The following R3HDM4 variants were observed in gnomAD, a reference collection of about 807,000 sequenced individuals.
The protein encoded by R3HDM4 is R3H domain containing 4.
R3HDM4 carries 30 observed loss-of-function variants against 31.3 expected under a neutral mutation model. The ratio of observed to expected loss-of-function variants is 0.96; its 90% CI spans 0.72 to 1.30. The LOEUF (loss-of-function observed/expected upper bound fraction) is 1.30, where lower values mean the gene tolerates loss of function less well. Among genes scored for constraint, R3HDM4 ranks in the 50% most tolerant of loss-of-function variants. The pLI is 0.00. For synonymous variants in R3HDM4, 196 were observed against 156.6 expected (o/e 1.25, Z -1.88); for missense variants, 444 against 366.1 (o/e 1.21, Z -1.74).
Position 898,219 on chromosome 19 carries a change from T to TAAAA in R3HDM4, c.704-683_704-680dup, listed in dbSNP as rs546504389. The stretch of plus-strand genomic sequence containing the variant: ...TAACACAGTGAAACCCTGTCTCTAC[T>TAAAA]AAAAAAAAAAATATATATATATATA... On this transcript the variant is annotated intron_variant, in intron 7 of 7. Transcript: ENST00000361574. Among the ~76,000 whole-genome samples the TAAAA allele has an allele frequency of 4.0e-3, 542 of 136,378 alleles. 1 individual carries two copies. The highest frequency in any genetic ancestry group is 0.012 in the Middle Eastern group (3 of 258). 89.5% of individuals were successfully genotyped at this position (136,378 alleles called of 152,430 possible).
Position 897,234 on chromosome 19 carries a change from C to T in R3HDM4, c.*203G>A. 1.9e-6 allele frequency: 1 copy of T among 517,014 alleles called. No individual in the cohort carries two copies. The highest frequency in any genetic ancestry group is 2.0e-5 in the African/African-American group (1 of 51,034). The allele number at this position is 517,014 out of a possible 1,614,324, so 32.0% of individuals were successfully genotyped here. A position where few individuals can be genotyped will look rare whatever the true frequency, so the allele number is the denominator to read the frequency against. ...AAGTCCCGGAGTGGGAAGCTTGGAG[C>T]TGGGATGGCATGGGCAGCCCCAGCC... On this transcript the variant is annotated 3_prime_UTR_variant, in exon 8 of 8. Coordinates refer to ENST00000361574, the MANE Select transcript of R3HDM4 (RefSeq NM_138774.4).
Position 903,391 on chromosome 19 carries a change from A to G in R3HDM4, c.72-1261T>C, listed in dbSNP as rs568116360. Among the ~76,000 whole-genome samples, 677 of 152,218 alleles carry G rather than the reference A, an allele frequency of 4.4e-3. 4 individuals carry two copies. The highest frequency in any genetic ancestry group is 0.015 in the African/African-American group (628 of 41,524). On this transcript the variant is annotated intron_variant, in intron 1 of 7. Coordinates refer to ENST00000361574, the MANE Select transcript of R3HDM4 (RefSeq NM_138774.4). ...CAGCTGGGCCTCCCACCGAGAATCC[A>G]AGGGCCGAGCCACTCAGTGTGGGGG...
intron 1 of R3HDM4, chr19:902,370 G>A (rs529121522): frequency 3.9e-6 from 2 of 518,530 alleles, no homozygotes; most frequent in Admixed American, 3.2e-5. Context: ...AGCATTGTGG[G>A]AGGCTGAGGC....
At chr19:909,287 T>C (rs2036942981) in intron 1 of R3HDM4, among the ~76,000 whole-genome samples, 1 of 152,202 alleles carries the variant, frequency 6.6e-6, no homozygotes, top group Admixed American at 6.5e-5. Flanking sequence ...AGGAACCCAC[T>C]AGAGACAGCA....
chr19:901,806 G>A (rs186304004), intron 2 of R3HDM4, 170 bp downstream of exon 2: 77 of 847,346 alleles, frequency 9.1e-5, no homozygotes, highest in African/African-American at 9.0e-4. Context: ...TCCAGGGGGC[G>A]CCTGTGTCTG....
intron 1 of R3HDM4, among the ~76,000 whole-genome samples, chr19:908,795 G>A (rs2036936417): frequency 6.6e-6 from 1 of 150,852 alleles, no homozygotes; most frequent in African/African-American, 2.4e-5. Flanking sequence ...GCCTTACCAG[G>A]AAGCTCTGGA....
chr19:899,591 C>T lies in R3HDM4; in HGVS notation c.647+10G>A, dbSNP rs371598232. On this transcript the variant is annotated intron_variant, in intron 6 of 7. Transcript: ENST00000361574. This position sits in a 1 kb window ranked among gnomAD's most constrained non-coding sequence, Gnocchi z 6.8. ...TCGGAGGGTCCGCTCGCCTGGCCGC[C>T]CCCCCTTACCTGTTGTCTAGCATTG... 6.2e-7 allele frequency: 1 copy of T among 1,612,376 alleles called. No individual in the cohort carries two copies. The highest frequency in any genetic ancestry group is 8.5e-7 in the Non-Finnish European group (1 of 1,179,454).
rs1599366634 is a variant in R3HDM4, at chr19:913,184, C to T, written c.-27G>A. 5.7e-6 allele frequency: 6 copies of T among 1,060,066 alleles called. No individual in the cohort carries two copies. Among genetic ancestry groups the T allele is most frequent in the South Asian group, 4.3e-5 (1 of 23,244 alleles). The allele number at this position is 1,060,066 out of a possible 1,614,324, so 65.7% of individuals were successfully genotyped here. On this transcript the variant is annotated 5_prime_UTR_variant, in exon 1 of 8. Transcript: ENST00000361574. This position sits in a 1 kb window ranked among gnomAD's most constrained non-coding sequence, Gnocchi z 5.0. ...GCTCGCACGCTGTCGCCGCCGCCGC[C>T]GCCCGGCAGGGCCTTCACCGGGCCG...
Position 907,656 on chromosome 19 carries a change from C to T in R3HDM4, c.71+5431G>A, listed in dbSNP as rs1355239205. 6.6e-6 allele frequency among the ~76,000 whole-genome samples: 1 copy of T among 152,138 alleles called. No individual in the cohort carries two copies. Among genetic ancestry groups the T allele is most frequent in the Admixed American group, 6.5e-5 (1 of 15,274 alleles). On this transcript the variant is annotated intron_variant, in intron 1 of 7. Coordinates refer to ENST00000361574, the MANE Select transcript of R3HDM4 (RefSeq NM_138774.4). This position sits in a 1 kb window ranked among gnomAD's most constrained non-coding sequence, Gnocchi z 4.1. ...CCTCACCACCCCTCATACCAAAGCCCCACAGGCCTCTCCTCCAGGCCCACA... is the reference window on the plus strand; with the variant it reads ...CCTCACCACCCCTCATACCAAAGCCTCACAGGCCTCTCCTCCAGGCCCACA...
In R3HDM4 at chr19:897,432, C is replaced by G; in HGVS notation, c.*5G>C. 5 of 1,594,238 alleles carry G rather than the reference C, an allele frequency of 3.1e-6. No homozygotes were observed. The highest frequency in any genetic ancestry group is 1.7e-6 in the Non-Finnish European group (2 of 1,169,706). On this transcript the variant is annotated 3_prime_UTR_variant, in exon 8 of 8. Coordinates refer to ENST00000361574, the MANE Select transcript of R3HDM4 (RefSeq NM_138774.4). Reference sequence around the variant, plus strand: ...GGTGGCAGCGGGGTCTCCGCGGGGCCGCCATCAGCTGTGCTGCTCCAGGTA... The same window carrying G: ...GGTGGCAGCGGGGTCTCCGCGGGGCGGCCATCAGCTGTGCTGCTCCAGGTA...
rs574641554 is a variant in R3HDM4, at chr19:896,665, G to A, written c.*772C>T. On this transcript the variant is annotated 3_prime_UTR_variant, in exon 8 of 8. Transcript: ENST00000361574. The surrounding 1 kb of genome is among the most constrained non-coding windows in gnomAD (Gnocchi z 4.0). Reference sequence around the variant, plus strand: ...CTATCAGGCAGGAGTCAGGCTGGGGGACGAGGGGACACGGGATGGGGTGAC... The same window carrying A: ...CTATCAGGCAGGAGTCAGGCTGGGGAACGAGGGGACACGGGATGGGGTGAC... 1.1e-4 allele frequency: 17 copies of A among 152,890 alleles called. No homozygotes were observed. Among genetic ancestry groups the A allele is most frequent in the African/African-American group, 4.1e-4 (17 of 41,568 alleles). The allele number at this position is 152,890 out of a possible 1,614,324, so 9.5% of individuals were successfully genotyped here.
At chr19:909,002 G>A (rs538435037) in intron 1 of R3HDM4, among the ~76,000 whole-genome samples, 9 of 152,326 alleles carry the variant, frequency 5.9e-5, no homozygotes, top group African/African-American at 2.2e-4. Flanking sequence ...CCCAAGGGCT[G>A]GTTCATCTGT....
intron 1 of R3HDM4, 78 bp from the exon 2 acceptor site, chr19:902,208 C>T (rs1164748609): frequency 6.5e-7 from 1 of 1,541,746 alleles, no homozygotes; most frequent in South Asian, 1.1e-5. Context: ...ACAGCCATGG[C>T]CCGCTTGGTT....
At position 897,246 on chromosome 19, in the gene R3HDM4, G is replaced by A. The variant is rs759013124; in HGVS notation, c.*191C>T. Reference sequence around the variant, plus strand: ...GGGAAGCTTGGAGCTGGGATGGCATGGGCAGCCCCAGCCGCCAGCGTCTGT... The same window carrying A: ...GGGAAGCTTGGAGCTGGGATGGCATAGGCAGCCCCAGCCGCCAGCGTCTGT... On this transcript the variant is annotated 3_prime_UTR_variant, in exon 8 of 8. Transcript: ENST00000361574. 12 of 537,078 alleles carry A rather than the reference G, an allele frequency of 2.2e-5. No homozygotes were observed. Among genetic ancestry groups the A allele is most frequent in the Non-Finnish European group, 3.3e-5 (10 of 305,374 alleles). The allele number at this position is 537,078 out of a possible 1,614,324, so 33.3% of individuals were successfully genotyped here.
At position 899,408 on chromosome 19, in the gene R3HDM4, A is replaced by C; in HGVS notation, c.703+32T>G. The C allele has an allele frequency of 6.2e-7, 1 of 1,601,348 alleles. No individual in the cohort carries two copies. The highest frequency in any genetic ancestry group is 8.5e-7 in the Non-Finnish European group (1 of 1,172,948). On this transcript the variant is annotated intron_variant, in intron 7 of 7. Transcript: ENST00000361574. This position sits in a 1 kb window ranked among gnomAD's most constrained non-coding sequence, Gnocchi z 6.8. ...GCCACTTTCCCAGGTTGAGCTGGCC[A>C]ACTTGGGGTCTTGGGGGCCACCGGC...
In R3HDM4 at chr19:899,720, G is replaced by A. The variant is rs200626330; in HGVS notation, c.562-34C>T. 2.2e-4 allele frequency: 328 copies of A among 1,496,372 alleles called. No homozygotes were observed. The East Asian group carries it at 4.0e-3, about 18-fold the overall frequency. The allele number at this position is 1,496,372 out of a possible 1,614,324, so 92.7% of individuals were successfully genotyped here. On this transcript the variant is annotated intron_variant, in intron 5 of 7. Coordinates refer to ENST00000361574, the MANE Select transcript of R3HDM4 (RefSeq NM_138774.4). The surrounding 1 kb of genome is among the most constrained non-coding windows in gnomAD (Gnocchi z 6.8). The stretch of plus-strand genomic sequence containing the variant: ...AGCGGCCCGGTGGTCAGGGAACTGC[G>A]GGACCTGTGGGTGGGGGGCCAGGGA...
chr19:900,159 G>A lies in R3HDM4; in HGVS notation c.476-13C>T. 1 of 1,549,108 alleles carries A rather than the reference G, an allele frequency of 6.5e-7. No homozygotes were observed. The highest frequency in any genetic ancestry group is 8.7e-7 in the Non-Finnish European group (1 of 1,148,324). On this transcript the variant is annotated splice_polypyrimidine_tract_variant and intron_variant, in intron 4 of 7. Coordinates refer to ENST00000361574, the MANE Select transcript of R3HDM4 (RefSeq NM_138774.4). ...TAGGCGGGGTCCTCTGCAGGAGTGGGGGAACAAGGGGCAGTCTTGGGGTGC... is the reference window on the plus strand; with the variant it reads ...TAGGCGGGGTCCTCTGCAGGAGTGGAGGAACAAGGGGCAGTCTTGGGGTGC...
rs1349759119 is a variant in R3HDM4 at position 902,200 on chromosome 19, A to T, written c.72-70T>A. 2.6e-6 allele frequency: 4 copies of T among 1,561,888 alleles called. No individual in the cohort carries two copies. In the Admixed American group the frequency reaches 6.8e-5, roughly 27 times the overall value. ...GGATCTCCGAGAAGGGCCCTACCAC[A>T]GCCATGGCCCGCTTGGTTTCCCCCA... On this transcript the variant is annotated intron_variant, in intron 1 of 7. Coordinates refer to ENST00000361574, the MANE Select transcript of R3HDM4 (RefSeq NM_138774.4).
In R3HDM4 at chr19:897,492, A is replaced by AGGTGCCGCT; in HGVS notation, c.751_752insAGCGGCACC (p.His250_Leu251insGlnArgHis). On this transcript the variant is annotated inframe_insertion, in exon 8 of 8. Coordinates refer to ENST00000361574, the MANE Select transcript of R3HDM4 (RefSeq NM_138774.4). ...GAGCAGCCCCGGCGGCAGGAAATCC[A>AGGTGCCGCT]GGTGCCGATTACTGACCTTCATCTG... The AGGTGCCGCT allele has an allele frequency of 6.2e-7, 1 of 1,613,178 alleles. No homozygotes were observed. Among genetic ancestry groups the AGGTGCCGCT allele is most frequent in the South Asian group, 1.1e-5 (1 of 90,988 alleles).
Sources: allele counts gnomAD v4.1 joint callset (sites outside exome capture counted in the v4.1 genomes callset), GRCh38; gene constraint gnomAD v4.1.1; non-coding constraint Gnocchi (gnomAD v3.1); transcripts MANE v1.5; gene names NCBI Gene and HGNC (gene_info 2026-07-23, HGNC 2026-07-21).